KLF13: variants seen among roughly 807,000 people sequenced by gnomAD.
The protein encoded by KLF13 is KLF transcription factor 13.
In KLF13, 8 loss-of-function variants were observed where a neutral mutation model predicts 16.7. The ratio of observed to expected loss-of-function variants is 0.48; its 90% CI spans 0.28 to 0.87. The LOEUF (loss-of-function observed/expected upper bound fraction) is 0.87, where lower values mean the gene tolerates loss of function less well. Ranked by LOEUF, KLF13 falls within the 40% of genes least tolerant of loss-of-function variation. The probability of loss-of-function intolerance (pLI) is 0.10; values close to 1 mark genes in which losing one functional copy is unlikely to be tolerated. For missense variants in KLF13, 447 were observed against 452.2 expected (o/e 0.99, Z 0.10); for synonymous variants, 245 against 208.4 (o/e 1.18, Z -1.51).
chr15:31,431,973 C>G (rs190537710), intron 1 of KLF13, among the ~76,000 whole-genome samples: 1 of 151,664 alleles, frequency 6.6e-6, no homozygotes, highest in Non-Finnish European at 1.5e-5. Flanking sequence ...GGGAAGGGCA[C>G]GGGGATGGAG....
rs2039569657 is a variant in KLF13, at chr15:31,372,419, C to T, written c.*120C>T. ...GTCCACGAAAAAACAATTTTTTTCA[C>T]CTCAGGTGTCAAAGTAAATTTGTTA... On this transcript the variant is annotated 3_prime_UTR_variant, in exon 2 of 2. Coordinates refer to ENST00000307145, the MANE Select transcript of KLF13 (RefSeq NM_015995.4). 2.8e-6 allele frequency: 3 copies of T among 1,090,272 alleles called. No homozygotes were observed. Among genetic ancestry groups the T allele is most frequent in the South Asian group, 2.5e-5 (1 of 40,654 alleles). 67.5% of individuals were successfully genotyped at this position (1,090,272 alleles called of 1,614,324 possible).
In KLF13 at chr15:31,373,461, A is replaced by G. The variant is rs1339627816; in HGVS notation, c.*1162A>G. 6.6e-6 allele frequency: 1 copy of G among 152,288 alleles called. No homozygotes were observed. Among genetic ancestry groups the G allele is most frequent in the Non-Finnish European group, 1.5e-5 (1 of 68,064 alleles). The allele number at this position is 152,288 out of a possible 1,614,324, so 9.4% of individuals were successfully genotyped here. On this transcript the variant is annotated 3_prime_UTR_variant, in exon 2 of 2. Transcript: ENST00000307145. ...ATTTCCTCCGCAGGGAATGCCAGATAGAAAGTTGCGGGCAACACTTTTCTC... is the reference window on the plus strand; with the variant it reads ...ATTTCCTCCGCAGGGAATGCCAGATGGAAAGTTGCGGGCAACACTTTTCTC...
chr15:31,425,930 T>C (rs2040395634), intron 1 of KLF13, among the ~76,000 whole-genome samples: 1 of 152,218 alleles, frequency 6.6e-6, no homozygotes, highest in Non-Finnish European at 1.5e-5. Flanking sequence ...ACCTCTTGAA[T>C]GCTTTCCTGC....
At chr15:31,364,918 C>A (rs980078321) in intron 1 of KLF13, among the ~76,000 whole-genome samples, 2 of 152,236 alleles carry the variant, frequency 1.3e-5, no homozygotes, top group Non-Finnish European at 2.9e-5. Flanking sequence ...CCACCCCCCA[C>A]CACAGAGGCC....
upstream of KLF13, among the ~76,000 whole-genome samples, chr15:31,388,765 C>A (rs1397909119): frequency 8.2e-3 from 867 of 106,126 alleles, 48 homozygotes; most frequent in Middle Eastern, 0.017. Context: ...TAAAAAATCC[C>A]AAAAAAAAAA....
chr15:31,399,750 C>T (rs1198884235), intron 2 of KLF13, among the ~76,000 whole-genome samples: 1 of 152,230 alleles, frequency 6.6e-6, no homozygotes, highest in Non-Finnish European at 1.5e-5. Flanking sequence ...GGGCACCAGC[C>T]ACTGGGAGGG....
upstream of KLF13, among the ~76,000 whole-genome samples, chr15:31,389,585 A>G (rs2039834683): frequency 6.6e-6 from 1 of 152,206 alleles, no homozygotes; most frequent in African/African-American, 2.4e-5. Flanking sequence ...TTACTCCCCT[A>G]TATTTACTAC....
intron 1 of KLF13, among the ~76,000 whole-genome samples, chr15:31,339,478 C>T (rs1426910581): frequency 1.3e-5 from 2 of 152,318 alleles, no homozygotes; most frequent in South Asian, 2.1e-4. Context: ...GCACTGGCCA[C>T]GATCCAGGGA....
intron 1 of KLF13, among the ~76,000 whole-genome samples, chr15:31,331,202 G>A (rs2038825386): frequency 6.6e-6 from 1 of 152,168 alleles, no homozygotes; most frequent in African/African-American, 2.4e-5. Flanking sequence ...CTGCATGCTG[G>A]GCCCTTTCTG....
chr15:31,381,180 A>AAAAAAT (rs1464906491), downstream of KLF13, among the ~76,000 whole-genome samples: 1 of 152,112 alleles, frequency 6.6e-6, no homozygotes, highest in Admixed American at 6.5e-5. Flanking sequence ...TCAAAAAAAA[A>AAAAAAT]AAAAAAATAG....
intron 2 of KLF13, among the ~76,000 whole-genome samples, chr15:31,402,200 C>G (rs977618842): frequency 6.6e-6 from 1 of 152,204 alleles, no homozygotes; most frequent in African/African-American, 2.4e-5. Context: ...GCGGGTTCAG[C>G]TCCAGGCTCT....
chr15:31,327,132 C>T lies in KLF13; in HGVS notation c.-81C>T. ...GGGCGCGCCGCGCCCCCGCCCCCCG[C>T]CCGCTCTCCCGAGGCCGTGGGTGCG... On this transcript the variant is annotated 5_prime_UTR_variant, in exon 1 of 2. Transcript: ENST00000307145. 2 of 1,172,274 alleles carry T rather than the reference C, an allele frequency of 1.7e-6. No homozygotes were observed. Among genetic ancestry groups the T allele is most frequent in the Non-Finnish European group, 2.1e-6 (2 of 942,220 alleles). The allele number at this position is 1,172,274 out of a possible 1,614,324, so 72.6% of individuals were successfully genotyped here.
intron 1 of KLF13, among the ~76,000 whole-genome samples, chr15:31,329,537 C>T (rs2038789161): frequency 6.6e-6 from 1 of 152,128 alleles, no homozygotes; most frequent in South Asian, 2.1e-4. Flanking sequence ...CTTGTCAGGG[C>T]CTCAGCCTTG....
intron 1 of KLF13, among the ~76,000 whole-genome samples, chr15:31,356,695 G>A (rs1293868457): frequency 1.3e-5 from 2 of 152,216 alleles, no homozygotes; most frequent in Admixed American, 6.5e-5. Context: ...TCTCTGGGTT[G>A]AATCATAGGT....
chr15:31,353,413 G>C (rs1220421136), intron 1 of KLF13, among the ~76,000 whole-genome samples: 2 of 51,198 alleles, frequency 3.9e-5, no homozygotes, highest in Non-Finnish European at 9.3e-5. Flanking sequence ...GCCCCAGGTT[G>C]GGGGGCCTGG....
intron 1 of KLF13, among the ~76,000 whole-genome samples, chr15:31,417,494 C>CAAATA (rs147776112): frequency 0.12 from 18,176 of 150,862 alleles, 3,225 homozygotes; most frequent in African/African-American, 0.39. Flanking sequence ...GACTCTGTCT[C>CAAATA]AAATAAAATA....
At chr15:31,427,029 G>A (rs2040408426) in intron 1 of KLF13, among the ~76,000 whole-genome samples, 1 of 152,188 alleles carries the variant, frequency 6.6e-6, no homozygotes, top group South Asian at 2.1e-4. Flanking sequence ...GCCTCGAACT[G>A]AGATTTACAT....
intron 1 of KLF13, among the ~76,000 whole-genome samples, chr15:31,433,345 G>A: frequency 6.6e-6 from 1 of 152,100 alleles, no homozygotes; most frequent in Admixed American, 6.5e-5. Flanking sequence ...ACACACATGA[G>A]GTGAATAACC....
At chr15:31,366,959 C>T (rs1490429005) in intron 1 of KLF13, among the ~76,000 whole-genome samples, 3 of 152,256 alleles carry the variant, frequency 2.0e-5, no homozygotes, top group Non-Finnish European at 1.5e-5. Context: ...TGTGTGACAG[C>T]ACCACGACGA....
Sources: gnomAD v4.1 joint callset for allele counts (sites outside exome capture counted in the v4.1 genomes callset) on GRCh38, gnomAD v4.1.1 for gene constraint, MANE v1.5 for transcripts, NCBI Gene and HGNC (gene_info 2026-07-23, HGNC 2026-07-21) for gene names.